Variants in KCNQ3 observed in about 807,000 individuals in gnomAD.
KCNQ3 encodes the protein potassium voltage-gated channel subfamily KQT member 3.
A neutral mutation model predicts 92.5 loss-of-function variants in KCNQ3; 30 were observed. The observed-to-expected ratio is 0.32, with a 90% CI of 0.24 to 0.44. KCNQ3 has a LOEUF of 0.44. Among genes scored for constraint, KCNQ3 ranks in the 20% least tolerant of loss-of-function variants. KCNQ3 has a pLI of 1.00. For missense variants in KCNQ3, 913 were observed against 1,140.3 expected, an observed-to-expected ratio of 0.80 and a Z score of 2.87; for synonymous variants, 450 against 468.8, an observed-to-expected ratio of 0.96 and a Z score of 0.52.
intron 1 of KCNQ3, among the ~76,000 whole-genome samples, chr8:132,465,903 C>A (rs900395988): frequency 6.6e-6 from 1 of 151,964 alleles, no homozygotes; most frequent in Non-Finnish European, 1.5e-5. Context: ...CAGAGGGAGA[C>A]CCTGTCTAAA....
chr8:132,360,567 C>T (rs761537352), intron 1 of KCNQ3, among the ~76,000 whole-genome samples: 4 of 152,258 alleles, frequency 2.6e-5, no homozygotes, highest in South Asian at 2.1e-4. Flanking sequence ...TTGAAGGAGG[C>T]GCCACCTCCA....
intron 12 of KCNQ3, among the ~76,000 whole-genome samples, chr8:132,135,206 A>T (rs1406513992): frequency 6.6e-6 from 1 of 152,202 alleles, no homozygotes; most frequent in African/African-American, 2.4e-5. Context: ...TTTGCTAAGG[A>T]TAATAGCCTC....
At chr8:132,287,678 G>A (rs971001495) in intron 1 of KCNQ3, among the ~76,000 whole-genome samples, 4 of 152,134 alleles carry the variant, frequency 2.6e-5, no homozygotes, top group Non-Finnish European at 4.4e-5. Flanking sequence ...TGACAACCAA[G>A]ACATAAAATA....
At chr8:132,330,213 C>A (rs535235260) in intron 1 of KCNQ3, among the ~76,000 whole-genome samples, 3 of 152,156 alleles carry the variant, frequency 2.0e-5, no homozygotes, top group African/African-American at 7.2e-5. Flanking sequence ...AGAACCCAAA[C>A]GAGGCAAGGA....
At chr8:132,347,977 TA>T (rs5895138) in intron 1 of KCNQ3, among the ~76,000 whole-genome samples, 25,678 of 77,894 alleles carry the variant, frequency 0.33, 3,176 homozygotes, top group East Asian at 0.52. Context: ...AGACTCCATC[TA>T]AAAAAAAAAA....
At chr8:132,201,565 A>T (rs529910622) in intron 1 of KCNQ3, among the ~76,000 whole-genome samples, 1 of 152,228 alleles carries the variant, frequency 6.6e-6, no homozygotes, top group South Asian at 2.1e-4. Flanking sequence ...AAGAAAAAAA[A>T]ATAAAGGCCT....
At chr8:132,398,273 T>C (rs1308661945) in intron 1 of KCNQ3, among the ~76,000 whole-genome samples, 1 of 152,218 alleles carries the variant, frequency 6.6e-6, no homozygotes, top group Non-Finnish European at 1.5e-5. Context: ...AGTTGGTTAA[T>C]TGTTACTTTC....
At chr8:132,437,804 T>A (rs951441658) in intron 1 of KCNQ3, among the ~76,000 whole-genome samples, 3 of 152,214 alleles carry the variant, frequency 2.0e-5, no homozygotes, top group African/African-American at 7.2e-5. Flanking sequence ...TCTTTGAGGA[T>A]CCTTACACTA....
intron 1 of KCNQ3, chr8:132,447,263 G>C: frequency 6.5e-7 from 1 of 1,535,168 alleles, no homozygotes; most frequent in Non-Finnish European, 8.7e-7. Context: ...TTTAACAAGT[G>C]GTGGTAACAC....
At chr8:132,136,146 A>G (rs13275557) in intron 12 of KCNQ3, among the ~76,000 whole-genome samples, 5,429 of 137,036 alleles carry the variant, frequency 0.04, 176 homozygotes, top group Non-Finnish European at 0.064. Flanking sequence ...AAAAAAAAAA[A>G]GAAAAGAGAA....
intron 1 of KCNQ3, among the ~76,000 whole-genome samples, chr8:132,229,562 T>C (rs1014124439): frequency 1.3e-5 from 2 of 151,966 alleles, no homozygotes; most frequent in African/African-American, 4.8e-5. Flanking sequence ...TCAAGGTGTC[T>C]GTGGGGAGGC....
At chr8:132,156,105 C>A (rs1046172264) in intron 9 of KCNQ3, among the ~76,000 whole-genome samples, 2 of 151,982 alleles carry the variant, frequency 1.3e-5, no homozygotes, top group South Asian at 4.2e-4. Flanking sequence ...TTATTTTCTT[C>A]CGGTCTCATA....
At chr8:132,255,022 T>G (rs989402505) in intron 1 of KCNQ3, among the ~76,000 whole-genome samples, 13 of 146,656 alleles carry the variant, frequency 8.9e-5, no homozygotes, top group Non-Finnish European at 1.5e-4. Context: ...AAGCTGACTG[T>G]TTTTTTTTCT....
intron 1 of KCNQ3, among the ~76,000 whole-genome samples, chr8:132,461,203 T>C (rs1822051811): frequency 6.6e-6 from 1 of 152,180 alleles, no homozygotes; most frequent in Non-Finnish European, 1.5e-5. Flanking sequence ...ATGAAGGTTT[T>C]TGTGTGGATA....
intron 1 of KCNQ3, among the ~76,000 whole-genome samples, chr8:132,242,905 G>A (rs1485247234): frequency 1.3e-5 from 2 of 152,202 alleles, no homozygotes; most frequent in Non-Finnish European, 2.9e-5. Context: ...ATCTCTGAGA[G>A]AATAAGGAGG....
chr8:132,308,410 A>G (rs1817494952), intron 1 of KCNQ3, among the ~76,000 whole-genome samples: 1 of 152,176 alleles, frequency 6.6e-6, no homozygotes, highest in Non-Finnish European at 1.5e-5. Flanking sequence ...GAAGAAGATA[A>G]CAAACTCAGC....
At chr8:132,261,214 G>A (rs1490858081) in intron 1 of KCNQ3, among the ~76,000 whole-genome samples, 1 of 152,190 alleles carries the variant, frequency 6.6e-6, no homozygotes, top group Non-Finnish European at 1.5e-5. Flanking sequence ...CCTGAAACCA[G>A]GATCTGTTTG....
At chr8:132,474,999 G>A (rs1291812683) in intron 1 of KCNQ3, among the ~76,000 whole-genome samples, 4 of 152,274 alleles carry the variant, frequency 2.6e-5, no homozygotes, top group South Asian at 2.1e-4. Flanking sequence ...TGCTCTTGTC[G>A]TGATAGAATT....
Position 132,380,931 on chromosome 8 carries a change from G to GAAAAAAAAAAAAAAAAAA in KCNQ3, c.386+99198_386+99215dup, listed in dbSNP as rs553931640. Among the ~76,000 whole-genome samples the GAAAAAAAAAAAAAAAAAA allele has an allele frequency of 1.6e-4, 14 of 87,454 alleles. 1 individual carries two copies. The highest frequency in any genetic ancestry group is 2.0e-4 in the Non-Finnish European group (8 of 40,072). The allele number at this position is 87,454 out of a possible 152,430, so 57.4% of individuals were successfully genotyped here. ...TTCTACAGAAAAAGAAATGAAAGCA[G>GAAAAAAAAAAAAAAAAAA]AAAAAAAAAAAAAAAAAAAACAACC... On this transcript the variant is annotated intron_variant, in intron 1 of 14. Coordinates refer to ENST00000388996, the MANE Select transcript of KCNQ3 (RefSeq NM_004519.4).
Sources: gnomAD v4.1 joint callset for allele counts (sites outside exome capture counted in the v4.1 genomes callset) on GRCh38, gnomAD v4.1.1 for gene constraint, MANE v1.5 for transcripts, NCBI Gene and HGNC (gene_info 2026-07-23, HGNC 2026-07-21) for gene names.